The following TET2 variants were observed in gnomAD, a reference collection of about 807,000 sequenced individuals.
TET2 encodes the protein tet methylcytosine dioxygenase 2.
In TET2, 299 loss-of-function variants were observed where a neutral mutation model predicts 142.9. That is an observed-to-expected ratio of 2.09 (90% confidence interval 1.90 to 2.30). The LOEUF (loss-of-function observed/expected upper bound fraction) is 2.30, where lower values mean the gene tolerates loss of function less well. Among genes scored for constraint, TET2 ranks in the 30% most tolerant of loss-of-function variants. The pLI, the probability that TET2 is intolerant of heterozygous loss-of-function variation, is 0.00. For missense variants in TET2, 2,418 were observed against 2,378.0 expected (o/e 1.02, Z -0.35); for synonymous variants, 819 against 849.0 (o/e 0.96, Z 0.61).
At chr4:105,167,768 CT>C (rs1265204743) in intron 1 of TET2, among the ~76,000 whole-genome samples, 1 of 152,098 alleles carries the variant, frequency 6.6e-6, no homozygotes, top group African/African-American at 2.4e-5. Flanking sequence ...CTTTGGTTGT[CT>C]TCATATCTTT....
chr4:105,234,802 A>C lies in TET2; in HGVS notation c.860A>C (p.Lys287Thr). The C allele has an allele frequency of 6.2e-7, 1 of 1,613,916 alleles. No homozygotes were observed. Among genetic ancestry groups the C allele is most frequent in the Non-Finnish European group, 8.5e-7 (1 of 1,179,942 alleles). Residue 287 changes from lysine to threonine, a missense_variant, in exon 3 of 11, where the codon AAG (lysine) becomes ACG (threonine). Physicochemically the swap from Lys to Thr is moderately conservative, Grantham distance 78 (BLOSUM62 -1). Coordinates refer to ENST00000380013, the MANE Select transcript of TET2 (RefSeq NM_001127208.3). ...AQTSNSELPPKPAAVVSEACD... is the reference protein window; with the variant it reads ...AQTSNSELPPTPAAVVSEACD... ...ACCTCTAACTCTGAGCTGCCTCCAA[A>C]GCCAGCTGCAGTGGTGAGTGAGGCC...
In TET2 at chr4:105,234,660, AT is replaced by A; in HGVS notation, c.720del (p.Ile240MetfsTer10). 1 of 1,614,138 alleles carries A rather than the reference AT, an allele frequency of 6.2e-7. No homozygotes were observed. Among genetic ancestry groups the A allele is most frequent in the Non-Finnish European group, 8.5e-7 (1 of 1,180,026 alleles). ...LSQYYPDCVS[I>X]AVQKTTSHIN... ...TCAATATTATCCAGATTGTGTTTCCATTGCGGTGCAGAAAACCACATCTCAC... is the reference window on the plus strand; with the variant it reads ...TCAATATTATCCAGATTGTGTTTCCATGCGGTGCAGAAAACCACATCTCAC... On this transcript the variant is annotated frameshift_variant, in exon 3 of 11. Transcript: ENST00000380013. LOFTEE classifies it high-confidence loss of function.
intron 3 of TET2, chr4:105,239,074 G>GTTTTTCTGTTT (rs1553914851): frequency 9.8e-6 from 2 of 204,210 alleles, no homozygotes; most frequent in Admixed American, 6.2e-5. Context: ...TTTGTTTTTT[G>GTTTTTCTGTTT]TTTTTTTTTT....
chr4:105,201,362 T>G (rs1726453777), intron 2 of TET2, among the ~76,000 whole-genome samples: 1 of 152,220 alleles, frequency 6.6e-6, no homozygotes, highest in South Asian at 2.1e-4. Flanking sequence ...TAATGCAAGG[T>G]GTTTCCTAAA....
intron 4 of TET2, chr4:105,241,848 TGAGTAC>T: frequency 8.0e-7 from 1 of 1,247,386 alleles, no homozygotes; most frequent in South Asian, 4.1e-5. Flanking sequence ...GTGTTGCAAA[TGAGTAC>T]TTATCTCTAA....
chr4:105,200,448 A>G (rs541320750), intron 2 of TET2, among the ~76,000 whole-genome samples: 83 of 152,080 alleles, frequency 5.5e-4, no homozygotes, highest in African/African-American at 2.0e-3. Context: ...GCTGGATACT[A>G]TTGTCAGATA....
chr4:105,209,518 G>A (rs765819052), intron 2 of TET2, among the ~76,000 whole-genome samples: 16 of 152,098 alleles, frequency 1.1e-4, no homozygotes, highest in South Asian at 2.1e-4. Flanking sequence ...CTGATGTAAT[G>A]TGCTTCCAAC....
intron 2 of TET2, among the ~76,000 whole-genome samples, chr4:105,216,287 G>C (rs1234734492): frequency 2.6e-5 from 4 of 152,046 alleles, no homozygotes; most frequent in Non-Finnish European, 5.9e-5. Flanking sequence ...AAACAGGTCG[G>C]GGGGAGGAGA....
In TET2 at chr4:105,236,192, A is replaced by G; in HGVS notation, c.2250A>G (p.Ile750Met). ...QNQQQQQKLQ[I>M]KNKEEILQTF... Reference sequence around the variant, plus strand: ...AGCAACAGCAGCAAAAATTACAAATAAAGAATAAAGAGGAAATACTCCAGA... The same window carrying G: ...AGCAACAGCAGCAAAAATTACAAATGAAGAATAAAGAGGAAATACTCCAGA... Residue 750 changes from isoleucine to methionine, a missense_variant, in exon 3 of 11, where the codon ATA (isoleucine) becomes ATG (methionine). Ile to Met is a conservative substitution (Grantham distance 10). Coordinates refer to ENST00000380013, the MANE Select transcript of TET2 (RefSeq NM_001127208.3). 6.2e-7 allele frequency: 1 copy of G among 1,614,094 alleles called. No homozygotes were observed. The highest frequency in any genetic ancestry group is 8.5e-7 in the Non-Finnish European group (1 of 1,180,000).
chr4:105,191,311 C>T (rs1725773162), intron 2 of TET2, among the ~76,000 whole-genome samples: 2 of 152,106 alleles, frequency 1.3e-5, no homozygotes, highest in African/African-American at 4.8e-5. Flanking sequence ...AGTGTCCCAA[C>T]CTAAGGGTTG....
chr4:105,240,264 A>G, intron 3 of TET2: 1 of 863,136 alleles, frequency 1.2e-6, no homozygotes, highest in Non-Finnish European at 1.5e-6. Flanking sequence ...CAGTTTGTAA[A>G]AGTCACAGTA....
chr4:105,202,140 T>G (rs967141215), intron 2 of TET2, among the ~76,000 whole-genome samples: 15 of 152,174 alleles, frequency 9.9e-5, no homozygotes, highest in African/African-American at 3.4e-4. Context: ...CCTCATCTTC[T>G]TCCTAATCCT....
At chr4:105,222,773 G>A in intron 2 of TET2, among the ~76,000 whole-genome samples, 1 of 151,794 alleles carries the variant, frequency 6.6e-6, no homozygotes, top group Non-Finnish European at 1.5e-5. Context: ...TGGTGTTTTA[G>A]ACATGAAGTC....
At chr4:105,233,854 A>G (rs1211258517) in intron 2 of TET2, 43 bp from the exon 3 acceptor site, 1 of 1,011,406 alleles carries the variant, frequency 9.9e-7, no homozygotes, top group Non-Finnish European at 1.4e-6. Flanking sequence ...AGATAGATAG[A>G]TAGAAATAAA....
At chr4:105,253,862 G>A (rs1729992504) in intron 6 of TET2, among the ~76,000 whole-genome samples, 1 of 152,060 alleles carries the variant, frequency 6.6e-6, no homozygotes, top group South Asian at 2.1e-4. Context: ...AGTTTACTGA[G>A]AGGCTTTTGA....
intron 6 of TET2, among the ~76,000 whole-genome samples, chr4:105,246,501 TAATGCTTAAGC>T (rs145819230): frequency 0.016 from 2,488 of 152,336 alleles, 67 homozygotes; most frequent in African/African-American, 0.056. Flanking sequence ...ATCATTTAGA[TAATGCTTAAGC>T]TATGCTTATG....
intron 1 of TET2, among the ~76,000 whole-genome samples, chr4:105,153,904 C>G (rs1053180495): frequency 6.6e-6 from 1 of 152,148 alleles, no homozygotes; most frequent in Non-Finnish European, 1.5e-5. Context: ...ATGGAAACAA[C>G]CCAGATGTCT....
At chr4:105,274,777 G>A (rs183526525) in intron 10 of TET2, among the ~76,000 whole-genome samples, 6 of 152,216 alleles carry the variant, frequency 3.9e-5, no homozygotes, top group Admixed American at 3.9e-4. Context: ...GGCATGTTCA[G>A]AAGTTCCAAA....
chr4:105,259,888 CTG>C (rs1401836590), intron 7 of TET2, 119 bp downstream of exon 7: 7 of 929,010 alleles, frequency 7.5e-6, no homozygotes, highest in Non-Finnish European at 9.0e-6. Flanking sequence ...TTTTCCCAAA[CTG>C]TAGATACACA....
Sources: allele counts gnomAD v4.1 joint callset (sites outside exome capture counted in the v4.1 genomes callset), GRCh38; gene constraint gnomAD v4.1.1; transcripts MANE v1.5; gene names NCBI Gene and HGNC (gene_info 2026-07-23, HGNC 2026-07-21).